The following KMT2C variants were observed in gnomAD, a reference collection of about 807,000 sequenced individuals.
The protein encoded by KMT2C is histone-lysine N-methyltransferase 2C.
KMT2C carries 88 observed loss-of-function variants against 507.9 expected under a neutral mutation model. The observed-to-expected ratio is 0.17, with a 90% CI of 0.15 to 0.21. The LOEUF (loss-of-function observed/expected upper bound fraction) is 0.21. Ranked by LOEUF, KMT2C falls within the 10% of genes least tolerant of loss-of-function variation. The pLI is 1.00. For synonymous variants in KMT2C, 2,049 were observed against 2,080.8 expected, an observed-to-expected ratio of 0.98 and a Z score of 0.42; for missense variants, 4,954 against 5,957.8, an observed-to-expected ratio of 0.83 and a Z score of 5.55.
intron 1 of KMT2C, among the ~76,000 whole-genome samples, chr7:152,361,093 A>C (rs904942835): frequency 6.6e-6 from 1 of 152,188 alleles, no homozygotes; most frequent in Non-Finnish European, 1.5e-5. Context: ...CAAGTCAAGC[A>C]GTCAAAATAG....
chr7:152,228,173 A>T (rs1445638747), intron 18 of KMT2C, among the ~76,000 whole-genome samples: 3 of 152,204 alleles, frequency 2.0e-5, no homozygotes, highest in African/African-American at 7.2e-5. Context: ...TGTGTTATAA[A>T]ATGTTCCTAG....
intron 6 of KMT2C, among the ~76,000 whole-genome samples, chr7:152,293,484 T>C (rs1278792956): frequency 1.3e-5 from 2 of 152,244 alleles, no homozygotes; most frequent in African/African-American, 4.8e-5. Context: ...TATACAACTA[T>C]ATAAAATAAG....
chr7:152,201,343 C>A (rs1411837479), intron 26 of KMT2C, among the ~76,000 whole-genome samples: 1 of 150,866 alleles, frequency 6.6e-6, no homozygotes, highest in Non-Finnish European at 1.5e-5. Context: ...CTGAAAGTTA[C>A]TGATGTGCAA....
chr7:152,415,665 G>A (rs2116700883), intron 1 of KMT2C, among the ~76,000 whole-genome samples: 2 of 152,288 alleles, frequency 1.3e-5, no homozygotes, highest in Middle Eastern at 6.8e-3. Context: ...TGGATCATGA[G>A]ATCAGGTGCT....
intron 1 of KMT2C, among the ~76,000 whole-genome samples, chr7:152,392,747 CTT>C (rs2097509078): frequency 6.6e-6 from 1 of 152,168 alleles, no homozygotes; most frequent in African/African-American, 2.4e-5. Flanking sequence ...CTCAAAAACT[CTT>C]CAGTATCTGA....
chr7:152,379,006 T>C (rs867489385), intron 1 of KMT2C, among the ~76,000 whole-genome samples: 2 of 152,174 alleles, frequency 1.3e-5, no homozygotes, highest in Non-Finnish European at 2.9e-5. Context: ...CCGCACTTCA[T>C]TTCCTGTTAG....
intron 55 of KMT2C, among the ~76,000 whole-genome samples, chr7:152,140,880 A>G (rs541384548): frequency 1.3e-5 from 2 of 152,376 alleles, no homozygotes; most frequent in Non-Finnish European, 2.9e-5. Flanking sequence ...ACCAGAACAC[A>G]CAAAAAGTAT....
chr7:152,151,799 A>G (rs928520540), intron 49 of KMT2C, among the ~76,000 whole-genome samples: 24 of 152,248 alleles, frequency 1.6e-4, no homozygotes, highest in African/African-American at 5.3e-4. Context: ...ATAGCTGGGA[A>G]AGCAATGGCA....
intron 1 of KMT2C, among the ~76,000 whole-genome samples, chr7:152,378,714 A>G (rs1423955297): frequency 1.3e-5 from 2 of 152,172 alleles, no homozygotes; most frequent in Non-Finnish European, 2.9e-5. Flanking sequence ...TCCTGGTCTC[A>G]TGTTCCTTAA....
At chr7:152,218,481 T>C (rs1394575735) in intron 23 of KMT2C, among the ~76,000 whole-genome samples, 1 of 152,132 alleles carries the variant, frequency 6.6e-6, no homozygotes, top group South Asian at 2.1e-4. Flanking sequence ...ACAAATGACA[T>C]ACCTTTTCAA....
chr7:152,247,559 C>G (rs2095492274), intron 14 of KMT2C, among the ~76,000 whole-genome samples: 1 of 152,306 alleles, frequency 6.6e-6, no homozygotes, highest in Non-Finnish European at 1.5e-5. Flanking sequence ...ATGTTAGTTA[C>G]TGTATACCCA....
intron 3 of KMT2C, among the ~76,000 whole-genome samples, chr7:152,321,680 A>G (rs1283384908): frequency 6.6e-6 from 1 of 152,010 alleles, no homozygotes; most frequent in African/African-American, 2.4e-5. Context: ...AATAGCAACA[A>G]AAAAATTAAA....
chr7:152,416,558 AAAC>A (rs2097738500), intron 1 of KMT2C, among the ~76,000 whole-genome samples: 1 of 131,676 alleles, frequency 7.6e-6, no homozygotes, highest in South Asian at 2.4e-4. Context: ...AAAAAAAAAC[AAAC>A]AACAACAACA....
chr7:152,171,210 G>T, intron 40 of KMT2C, 54 bp downstream of exon 40: 1 of 1,214,686 alleles, frequency 8.2e-7, no homozygotes, highest in Non-Finnish European at 1.2e-6. Context: ...GCATGAGTTT[G>T]CTGGGAAACA....
At chr7:152,345,711 G>C (rs1349136337) in intron 2 of KMT2C, among the ~76,000 whole-genome samples, 4 of 152,054 alleles carry the variant, frequency 2.6e-5, no homozygotes, top group African/African-American at 9.7e-5. Flanking sequence ...AATAGAGGTG[G>C]GGTTTCACCA....
chr7:152,260,984 C>A (rs530646946), intron 9 of KMT2C, among the ~76,000 whole-genome samples: 2 of 152,378 alleles, frequency 1.3e-5, no homozygotes, highest in East Asian at 3.9e-4. Context: ...TAAATCATTG[C>A]AGGAAGTAAA....
chr7:152,193,117 CG>C (rs1379126718), intron 31 of KMT2C, among the ~76,000 whole-genome samples: 4 of 152,084 alleles, frequency 2.6e-5, no homozygotes, highest in African/African-American at 7.2e-5. Flanking sequence ...TCGCAGCTGA[CG>C]TGAGTTGTGT....
chr7:152,379,533 G>A (rs1292878682), intron 1 of KMT2C, among the ~76,000 whole-genome samples: 1 of 151,610 alleles, frequency 6.6e-6, no homozygotes, highest in Non-Finnish European at 1.5e-5. Flanking sequence ...GTAAGACTCT[G>A]TCTCCAAAAA....
intron 1 of KMT2C, among the ~76,000 whole-genome samples, chr7:152,433,567 T>C (rs2097885312): frequency 6.6e-6 from 1 of 152,250 alleles, no homozygotes; most frequent in East Asian, 1.9e-4. Flanking sequence ...CAGTAGACTT[T>C]AATTTCCTAT....
Sources: allele counts gnomAD v4.1 joint callset (sites outside exome capture counted in the v4.1 genomes callset), GRCh38; gene constraint gnomAD v4.1.1; transcripts MANE v1.5; gene names NCBI Gene and HGNC (gene_info 2026-07-23, HGNC 2026-07-21).